The following SORBS2 variants were observed in gnomAD, a reference collection of about 807,000 sequenced individuals.
SORBS2 encodes sorbin and SH3 domain containing 2.
SORBS2 carries 46 observed loss-of-function variants against 97.7 expected under a neutral mutation model. The observed-to-expected ratio is 0.47, with a 90% confidence interval of 0.37 to 0.60. The LOEUF is 0.60. SORBS2 is among the 20% of genes least tolerant of loss of function. The pLI, the probability that SORBS2 is intolerant of heterozygous loss-of-function variation, is 0.00. For missense variants in SORBS2, 1,316 were observed against 1,282.3 expected, an observed-to-expected ratio of 1.03 and a Z score of -0.40; for synonymous variants, 476 against 473.4, an observed-to-expected ratio of 1.01 and a Z score of -0.07.
chr4:185,774,043 T>C (rs574167093), intron 2 of SORBS2: 1 of 152,146 alleles, frequency 6.6e-6, no homozygotes, highest in African/African-American at 2.4e-5. Context: ...GTGGTTAAAA[T>C]GCATGCTTTC....
At chr4:185,867,173 G>C (rs889191942) in intron 1 of SORBS2, among the ~76,000 whole-genome samples, 1 of 151,912 alleles carries the variant, frequency 6.6e-6, no homozygotes, top group East Asian at 1.9e-4. Context: ...CACCACACTC[G>C]GCTAATTTTT....
intron 1 of SORBS2, among the ~76,000 whole-genome samples, chr4:185,845,736 C>CA (rs1467336832): frequency 6.6e-6 from 1 of 151,792 alleles, no homozygotes; most frequent in Non-Finnish European, 1.5e-5. Flanking sequence ...AAAAAAGAAG[C>CA]AAAAAAATAG....
intron 13 of SORBS2, among the ~76,000 whole-genome samples, chr4:185,589,998 A>G (rs2095883359): frequency 6.6e-6 from 1 of 152,216 alleles, no homozygotes; most frequent in South Asian, 2.1e-4. Context: ...CACAGGCATT[A>G]GAACACTCTA....
At chr4:185,902,010 A>C (rs2099248049) in intron 1 of SORBS2, among the ~76,000 whole-genome samples, 2 of 152,230 alleles carry the variant, frequency 1.3e-5, no homozygotes, top group Admixed American at 6.5e-5. Context: ...TATAGAAATC[A>C]TAAGAAAGAT....
At chr4:185,790,130 TTTA>T (rs1435557941) in intron 1 of SORBS2, among the ~76,000 whole-genome samples, 1 of 152,186 alleles carries the variant, frequency 6.6e-6, no homozygotes, top group Non-Finnish European at 1.5e-5. Context: ...TCTTTTTTTT[TTTA>T]ATAGCATAGT....
chr4:185,782,089 A>G (rs1473235905), intron 1 of SORBS2, among the ~76,000 whole-genome samples: 3 of 152,288 alleles, frequency 2.0e-5, no homozygotes, highest in Non-Finnish European at 4.4e-5. Context: ...CTGAATAAGT[A>G]AATGATTAAA....
Position 185,757,030 on chromosome 4 carries a change from T to A in SORBS2, c.-198+18197A>T, listed in dbSNP as rs1283042823. On this transcript the variant is annotated intron_variant, in intron 2 of 20. Coordinates refer to the SORBS2 transcript ENST00000284776. Reference sequence around the variant, plus strand: ...ATCACAAAGACGTGAGTGGCATCAATGTCTTGCATGATGAACTTCGCAGGC... The same window carrying A: ...ATCACAAAGACGTGAGTGGCATCAAAGTCTTGCATGATGAACTTCGCAGGC... 6 of 879,462 alleles carry A rather than the reference T, an allele frequency of 6.8e-6. No homozygotes were observed. In the East Asian group the frequency reaches 1.5e-4, roughly 22 times the overall value. 54.5% of individuals were successfully genotyped at this position (879,462 alleles called of 1,614,324 possible). A position where few individuals can be genotyped will look rare whatever the true frequency, so the allele number is the denominator to read the frequency against.
At chr4:185,601,050 T>C (rs1715610516) in intron 12 of SORBS2, among the ~76,000 whole-genome samples, 1 of 152,214 alleles carries the variant, frequency 6.6e-6, no homozygotes, top group Non-Finnish European at 1.5e-5. Context: ...TAAGAGAACT[T>C]CCGGAGGAAT....
At chr4:185,728,962 T>G (rs1263572134) in intron 2 of SORBS2, among the ~76,000 whole-genome samples, 1 of 152,240 alleles carries the variant, frequency 6.6e-6, no homozygotes, top group African/African-American at 2.4e-5. Flanking sequence ...ATGAATGAAG[T>G]CAGCCCTTCC....
At chr4:185,622,516 GAATATA>G (rs1171790715) in intron 7 of SORBS2, among the ~76,000 whole-genome samples, 1 of 152,140 alleles carries the variant, frequency 6.6e-6, no homozygotes, top group African/African-American at 2.4e-5. Flanking sequence ...TTAACTGAAT[GAATATA>G]AAGTTTTAAC....
chr4:185,951,324 A>C (rs1396396790), intron 1 of SORBS2, among the ~76,000 whole-genome samples: 1 of 152,176 alleles, frequency 6.6e-6, no homozygotes, highest in Non-Finnish European at 1.5e-5. Context: ...CATGTCTGAC[A>C]AATGGCTGTG....
At chr4:185,588,481 G>A (rs1445516843) in intron 14 of SORBS2, among the ~76,000 whole-genome samples, 4 of 151,854 alleles carry the variant, frequency 2.6e-5, no homozygotes, top group African/African-American at 7.3e-5. Flanking sequence ...CAGATGGACC[G>A]GATAAGGGTC....
chr4:185,624,982 C>A (rs115503412), intron 6 of SORBS2, among the ~76,000 whole-genome samples: 1 of 152,086 alleles, frequency 6.6e-6, no homozygotes, highest in Non-Finnish European at 1.5e-5. Flanking sequence ...ACATTTACAT[C>A]GAATTAATAC....
chr4:185,637,846 A>AT (rs891227678), intron 4 of SORBS2, among the ~76,000 whole-genome samples: 45 of 152,238 alleles, frequency 3.0e-4, no homozygotes, highest in African/African-American at 1.0e-3. Flanking sequence ...CTTGTAATGA[A>AT]TTAGATGTAA....
intron 1 of SORBS2, among the ~76,000 whole-genome samples, chr4:185,838,615 T>C (rs1274276120): frequency 6.6e-6 from 1 of 152,240 alleles, no homozygotes; most frequent in Non-Finnish European, 1.5e-5. Context: ...GGCAGCTCAG[T>C]GATGTGTCAC....
intron 12 of SORBS2, among the ~76,000 whole-genome samples, chr4:185,597,759 T>A (rs2096146287): frequency 6.6e-6 from 1 of 152,214 alleles, no homozygotes; most frequent in African/African-American, 2.4e-5. Flanking sequence ...AGATTTGTAA[T>A]GCAGCTGCAC....
Position 185,929,171 on chromosome 4 carries a change from G to A in SORBS2, c.-338+27025C>T, listed in dbSNP as rs28753917. ...TTAGTTTACACAAGAATCCTATGAC[G>A]AGCTTGTTACCACTGTGGGTTCCTG... On this transcript the variant is annotated intron_variant, in intron 1 of 20. Transcript: ENST00000284776. Among the ~76,000 whole-genome samples, 736 of 152,170 alleles carry A rather than the reference G, an allele frequency of 4.8e-3. 13 individuals carry two copies. Among genetic ancestry groups the A allele is most frequent in the African/African-American group, 0.017 (702 of 41,508 alleles).
chr4:185,611,737 GGA>G (rs1339608394), intron 12 of SORBS2, 41 bp downstream of exon 24: 5 of 1,483,898 alleles, frequency 3.4e-6, no homozygotes, highest in Non-Finnish European at 4.7e-6. Flanking sequence ...TATCTTACTT[GGA>G]GCTTCCAATA....
intron 1 of SORBS2, among the ~76,000 whole-genome samples, chr4:185,828,764 T>C (rs2153673113): frequency 6.6e-6 from 1 of 152,228 alleles, no homozygotes; most frequent in East Asian, 1.9e-4. Flanking sequence ...TTCCTTTTAT[T>C]GAATGATAGA....
Sources: allele counts gnomAD v4.1 joint callset (sites outside exome capture counted in the v4.1 genomes callset), GRCh38; gene constraint gnomAD v4.1.1; transcripts MANE v1.5; gene names NCBI Gene and HGNC (gene_info 2026-07-23, HGNC 2026-07-21).